BAZ2B: variants seen among roughly 807,000 people sequenced by gnomAD.
BAZ2B encodes bromodomain adjacent to zinc finger domain protein 2B.
A neutral mutation model predicts 246.0 loss-of-function variants in BAZ2B; 91 were observed. The observed-to-expected ratio is 0.37, with a 90% confidence interval of 0.31 to 0.44. The LOEUF (loss-of-function observed/expected upper bound fraction) is 0.44. Ranked by LOEUF, BAZ2B falls within the 20% of genes least tolerant of loss-of-function variation. BAZ2B has a pLI of 1.00. For synonymous variants in BAZ2B, 855 were observed against 860.0 expected (o/e 0.99, Z 0.10); for missense variants, 2,332 against 2,533.7 (o/e 0.92, Z 1.71).
intron 2 of BAZ2B, among the ~76,000 whole-genome samples, chr2:159,520,621 A>G (rs1483027443): frequency 1.3e-5 from 2 of 152,166 alleles, no homozygotes; most frequent in East Asian, 1.9e-4. Flanking sequence ...TGTTTGTTCA[A>G]CATAACTAGG....
intron 24 of BAZ2B, 98 bp downstream of exon 24, chr2:159,383,508 C>T (rs1017742730): frequency 9.7e-7 from 1 of 1,034,536 alleles, no homozygotes; most frequent in Non-Finnish European, 1.4e-6. Flanking sequence ...TTTCTTTAGA[C>T]AATAAAAGTT....
At chr2:159,569,346 T>C (rs968820793) in intron 1 of BAZ2B, among the ~76,000 whole-genome samples, 2 of 152,106 alleles carry the variant, frequency 1.3e-5, no homozygotes, top group African/African-American at 2.4e-5. Flanking sequence ...TCAAAGAATA[T>C]CAACTTTTGC....
At chr2:159,340,662 A>G (rs932126107) in intron 31 of BAZ2B, among the ~76,000 whole-genome samples, 25 of 152,082 alleles carry the variant, frequency 1.6e-4, no homozygotes, top group Admixed American at 1.6e-3. Flanking sequence ...CTACCAGCCA[A>G]GAAAGCCTTC....
At chr2:159,612,459 A>G (rs1694913988) in intron 1 of BAZ2B, among the ~76,000 whole-genome samples, 1 of 152,154 alleles carries the variant, frequency 6.6e-6, no homozygotes, top group African/African-American at 2.4e-5. Flanking sequence ...CAAAATCACC[A>G]TATTAATTTG....
At chr2:159,519,374 C>T (rs1323759985) in intron 2 of BAZ2B, among the ~76,000 whole-genome samples, 1 of 148,376 alleles carries the variant, frequency 6.7e-6, no homozygotes, top group South Asian at 2.1e-4. Flanking sequence ...GGACTACAGG[C>T]GCCCGCCACC....
chr2:159,619,049 T>C (rs1332267761), upstream of BAZ2B, among the ~76,000 whole-genome samples: 4 of 152,024 alleles, frequency 2.6e-5, no homozygotes, highest in Non-Finnish European at 5.9e-5. Context: ...AAAAAAATAA[T>C]TTAAAGTAAT....
At chr2:159,525,849 T>C (rs2084673388) in intron 2 of BAZ2B, among the ~76,000 whole-genome samples, 1 of 152,200 alleles carries the variant, frequency 6.6e-6, no homozygotes, top group Non-Finnish European at 1.5e-5. Flanking sequence ...TTATTGGAGA[T>C]GACCTTAAAT....
At chr2:159,689,449 GC>G in the BAZ2B span, 1 of 229,262 alleles carries the variant, frequency 4.4e-6, no homozygotes, top group Admixed American at 6.4e-5. Context: ...TCGGCTCACT[GC>G]AACCTCTGCC....
chr2:159,469,029 G>A (rs570537548), intron 3 of BAZ2B, among the ~76,000 whole-genome samples: 27 of 137,596 alleles, frequency 2.0e-4, no homozygotes, highest in Non-Finnish European at 3.7e-4. Context: ...CAGCCCAGGC[G>A]TTAGTTCAAG....
the BAZ2B span, among the ~76,000 whole-genome samples, chr2:159,708,577 A>C: frequency 1.9e-3 from 182 of 95,296 alleles, 2 homozygotes; most frequent in East Asian, 0.022. Context: ...TTATTTATTT[A>C]TTTCTTTATT....
chr2:159,407,155 G>A (rs1485007646), intron 14 of BAZ2B, among the ~76,000 whole-genome samples: 1 of 151,656 alleles, frequency 6.6e-6, no homozygotes. Context: ...GCTCCTAGAG[G>A]TTAAATAGCA....
the BAZ2B span, among the ~76,000 whole-genome samples, chr2:159,630,361 GA>G: frequency 6.6e-6 from 1 of 151,994 alleles, no homozygotes. Flanking sequence ...CCATAAAAGT[GA>G]AACCCAAAAA....
At chr2:159,416,058 G>C (rs1038501707) in intron 13 of BAZ2B, among the ~76,000 whole-genome samples, 3 of 152,058 alleles carry the variant, frequency 2.0e-5, no homozygotes, top group African/African-American at 7.2e-5. Flanking sequence ...GGTACTTGAT[G>C]TTATAAAGAT....
intron 31 of BAZ2B, among the ~76,000 whole-genome samples, chr2:159,344,503 C>T (rs1162084621): frequency 3.4e-5 from 5 of 146,062 alleles, no homozygotes; most frequent in African/African-American, 1.3e-4. Context: ...CATTGAACTC[C>T]AGCCCGGGCA....
chr2:159,443,268 ATTCTT>A (rs1248885957), intron 6 of BAZ2B, among the ~76,000 whole-genome samples: 14 of 152,162 alleles, frequency 9.2e-5, no homozygotes, highest in African/African-American at 3.4e-4. Flanking sequence ...GAATTGTTTT[ATTCTT>A]TTCTTAACAG....
At chr2:159,597,697 C>T (rs1559869576) in intron 1 of BAZ2B, among the ~76,000 whole-genome samples, 1 of 152,170 alleles carries the variant, frequency 6.6e-6, no homozygotes, top group Non-Finnish European at 1.5e-5. Context: ...CTCAGGTGAT[C>T]TGCCCGCCTT....
intron 1 of BAZ2B, among the ~76,000 whole-genome samples, chr2:159,583,095 A>G (rs146016455): frequency 1.7e-4 from 25 of 149,588 alleles, no homozygotes; most frequent in African/African-American, 5.9e-4. Flanking sequence ...AATATGAAAT[A>G]TATTCTTTTT....
rs751272887 is a variant in BAZ2B at position 159,349,733 on chromosome 2, T to C, written c.4838A>G (p.Asn1613Ser). 6 of 1,613,768 alleles carry C rather than the reference T, an allele frequency of 3.7e-6. No individual in the cohort carries two copies. Among genetic ancestry groups the C allele is most frequent in the Non-Finnish European group, 2.5e-6 (3 of 1,179,850 alleles). Residue 1613 changes from asparagine to serine, a missense_variant, in exon 28 of 37, where the codon AAT (asparagine) becomes AGT (serine). Transcript: ENST00000392783. ...GSSAQNPVGL[N>S]PFALSPLQVK... ...CTGAAGAGGTGATAAAGCAAATGGA[T>C]TTAAGCCAACAGGATTCTGAGCAGA... is the stretch of plus-strand genomic sequence containing the variant.
intron 21 of BAZ2B, among the ~76,000 whole-genome samples, chr2:159,389,052 C>T (rs557220342): frequency 3.3e-5 from 5 of 152,008 alleles, no homozygotes; most frequent in Non-Finnish European, 5.9e-5. Context: ...TGCCACTGCC[C>T]TCTCTCCAGC....
Sources: allele counts gnomAD v4.1 joint callset (sites outside exome capture counted in the v4.1 genomes callset), GRCh38; gene constraint gnomAD v4.1.1; transcripts MANE v1.5; gene names NCBI Gene and HGNC (gene_info 2026-07-23, HGNC 2026-07-21).